Variants in MAGI3 observed in about 807,000 individuals in gnomAD.
MAGI3 encodes the protein membrane-associated guanylate kinase, WW and PDZ domain-containing protein 3.
A neutral mutation model predicts 121.8 loss-of-function variants in MAGI3; 43 were observed. The ratio of observed to expected loss-of-function variants is 0.35; its 90% CI spans 0.28 to 0.46. MAGI3 has a LOEUF of 0.46. Among genes scored for constraint, MAGI3 ranks in the 20% least tolerant of loss-of-function variants. The probability of loss-of-function intolerance (pLI) is 1.00; values close to 1 mark genes in which losing one functional copy is unlikely to be tolerated. For synonymous variants in MAGI3, 553 were observed against 639.3 expected, an observed-to-expected ratio of 0.86 and a Z score of 2.04; for missense variants, 1,547 against 1,797.3, an observed-to-expected ratio of 0.86 and a Z score of 2.52.
chr1:113,620,552 G>A (rs1200182117), intron 8 of MAGI3, among the ~76,000 whole-genome samples: 2 of 152,090 alleles, frequency 1.3e-5, no homozygotes, highest in Non-Finnish European at 2.9e-5. Flanking sequence ...CAAAAACATC[G>A]TCCTCCTCCT....
chr1:113,622,186 T>C (rs796976391), intron 8 of MAGI3, among the ~76,000 whole-genome samples: 3 of 152,206 alleles, frequency 2.0e-5, no homozygotes, highest in Non-Finnish European at 4.4e-5. Context: ...TCATAAATTA[T>C]AAACCTGCAC....
In MAGI3 at chr1:113,510,634, CAT is replaced by C. The variant is rs1250733100; in HGVS notation, c.317-38878_317-38877del. Among the ~76,000 whole-genome samples, 4 of 152,132 alleles carry C rather than the reference CAT, an allele frequency of 2.6e-5. No homozygotes were observed. The East Asian group carries it at 7.7e-4, about 29-fold the overall frequency. On this transcript the variant is annotated intron_variant, in intron 1 of 20. Coordinates refer to ENST00000307546, the MANE Select transcript of MAGI3 (RefSeq NM_001142782.2). ...ATCTTTCTAAAGGCAAAATCTTGGT[CAT>C]ATGACATTCCTGCTGAAATATCTCC...
chr1:113,552,434 A>G (rs745943938), intron 2 of MAGI3, among the ~76,000 whole-genome samples: 5 of 152,192 alleles, frequency 3.3e-5, no homozygotes, highest in Non-Finnish European at 5.9e-5. Flanking sequence ...GTTTGGTAGC[A>G]ATCTAATTTT....
At chr1:113,608,673 A>C (rs1649938491) in intron 6 of MAGI3, among the ~76,000 whole-genome samples, 2 of 152,160 alleles carry the variant, frequency 1.3e-5, no homozygotes, top group Admixed American at 6.5e-5. Context: ...TCATTGTGTA[A>C]AACTCCCCAG....
Position 113,416,212 on chromosome 1 carries a change from ATTATG to A in MAGI3, c.316+24865_316+24869del, listed in dbSNP as rs1304994662. Among the ~76,000 whole-genome samples, 22 of 75,634 alleles carry A rather than the reference ATTATG, an allele frequency of 2.9e-4. 3 individuals are homozygous for A. Among genetic ancestry groups the A allele is most frequent in the East Asian group, 6.7e-4 (1 of 1,494 alleles). The allele number at this position is 75,634 out of a possible 152,430, so 49.6% of individuals were successfully genotyped here. A position where few individuals can be genotyped will look rare whatever the true frequency, so the allele number is the denominator to read the frequency against. On this transcript the variant is annotated intron_variant, in intron 1 of 20. Transcript: ENST00000307546. Reference sequence around the variant, plus strand: ...AATTATGTAATTAATGACACATATTATTATGTGTAATTAATGACACATATTAATTA... The same window carrying A: ...AATTATGTAATTAATGACACATATTATGTAATTAATGACACATATTAATTA...
chr1:113,491,375 G>A (rs1435766625), intron 1 of MAGI3, among the ~76,000 whole-genome samples: 2 of 152,206 alleles, frequency 1.3e-5, no homozygotes, highest in East Asian at 3.8e-4. Flanking sequence ...TACAGCCAAG[G>A]CAGTGTTAAG....
intron 1 of MAGI3, among the ~76,000 whole-genome samples, chr1:113,491,573 C>T (rs1656668458): frequency 6.6e-6 from 1 of 152,036 alleles, no homozygotes; most frequent in Non-Finnish European, 1.5e-5. Context: ...TTCAAAAGAT[C>T]AGTGAATCCA....
rs1227973260 is a variant in MAGI3, at chr1:113,684,977, G to T, written c.*963G>T. On this transcript the variant is annotated 3_prime_UTR_variant, in exon 21 of 21. Transcript: ENST00000307546. ...AAAGTAAACATATTATATAGATTAT[G>T]TGAGGGACTTAATCATGAAACCAGT... 6.6e-6 allele frequency: 1 copy of T among 152,326 alleles called. No homozygotes were observed. Among genetic ancestry groups the T allele is most frequent in the African/African-American group, 2.4e-5 (1 of 41,432 alleles). 9.4% of individuals were successfully genotyped at this position (152,326 alleles called of 1,614,324 possible).
chr1:113,447,331 C>T (rs1225059715), intron 1 of MAGI3, among the ~76,000 whole-genome samples: 1 of 152,018 alleles, frequency 6.6e-6, no homozygotes, highest in Non-Finnish European at 1.5e-5. Flanking sequence ...GGCAAAAGGG[C>T]AAAGAGAGGT....
At position 113,403,072 on chromosome 1, in the gene MAGI3, A is replaced by C. The variant is rs550663125; in HGVS notation, c.316+11723A>C. On this transcript the variant is annotated intron_variant, in intron 1 of 20. Coordinates refer to ENST00000307546, the MANE Select transcript of MAGI3 (RefSeq NM_001142782.2). ...CAGTGCAGGAAACAGAAGGGGATAT[A>C]ATGCAGGGAATTAATTGCTTAGGGA... 3.2e-4 allele frequency among the ~76,000 whole-genome samples: 49 copies of C among 152,280 alleles called. 1 individual carries two copies. Among genetic ancestry groups the C allele is most frequent in the African/African-American group, 1.1e-3 (47 of 41,558 alleles).
chr1:113,668,321 G>T (rs551690936), intron 16 of MAGI3, among the ~76,000 whole-genome samples: 3 of 152,094 alleles, frequency 2.0e-5, no homozygotes, highest in African/African-American at 7.2e-5. Context: ...AATTCTCATC[G>T]AAGGAGAGAT....
In MAGI3 at chr1:113,445,930, A is replaced by G. The variant is rs144204505; in HGVS notation, c.316+54581A>G. On this transcript the variant is annotated intron_variant, in intron 1 of 20. Transcript: ENST00000307546. ...CTGCAGAGTGTAATGAAAGAAGACT[A>G]GACAGTAACTCACAGCTGTATGAAA... 3.6e-3 allele frequency among the ~76,000 whole-genome samples: 547 copies of G among 152,328 alleles called. 1 individual carries two copies. The highest frequency in any genetic ancestry group is 6.1e-3 in the Non-Finnish European group (413 of 68,038).
intron 2 of MAGI3, among the ~76,000 whole-genome samples, chr1:113,572,182 G>A (rs1196854920): frequency 2.0e-5 from 3 of 152,166 alleles, no homozygotes; most frequent in African/African-American, 7.2e-5. Flanking sequence ...TTCTGTTTAT[G>A]TGATGGATTA....
intron 15 of MAGI3, among the ~76,000 whole-genome samples, chr1:113,655,992 T>A (rs919425887): frequency 6.6e-6 from 1 of 152,116 alleles, no homozygotes; most frequent in African/African-American, 2.4e-5. Context: ...TACTTAATAA[T>A]GAGATAGGAA....
intron 2 of MAGI3, among the ~76,000 whole-genome samples, chr1:113,564,006 A>T (rs1660340102): frequency 6.6e-6 from 1 of 152,144 alleles, no homozygotes; most frequent in Non-Finnish European, 1.5e-5. Flanking sequence ...CTTTAGGGTG[A>T]TATTCTTTAG....
chr1:113,631,906 G>T (rs1257147390), intron 9 of MAGI3, among the ~76,000 whole-genome samples: 1 of 152,176 alleles, frequency 6.6e-6, no homozygotes, highest in Non-Finnish European at 1.5e-5. Context: ...TCAGGAACTT[G>T]GAGAAGGTTG....
At chr1:113,484,479 T>C (rs1372197650) in intron 1 of MAGI3, among the ~76,000 whole-genome samples, 1 of 152,104 alleles carries the variant, frequency 6.6e-6, no homozygotes, top group Non-Finnish European at 1.5e-5. Context: ...AGCTCCCACA[T>C]ATGAGTGAGA....
intron 6 of MAGI3, among the ~76,000 whole-genome samples, chr1:113,604,565 C>CAAAAAAAAAAA (rs59047770): frequency 1.3e-4 from 8 of 61,988 alleles, no homozygotes; most frequent in African/African-American, 4.7e-4. Context: ...GTCTCCATCT[C>CAAAAAAAAAAA]AAAAAAAAAA....
rs778273831 is a variant in MAGI3, at chr1:113,642,232, A to T, written c.1682A>T (p.Glu561Val). Residue 561 changes from glutamate (E) to valine (V), a missense_variant, in exon 10 of 21, where the codon GAG becomes GTG. Coordinates refer to ENST00000307546, the MANE Select transcript of MAGI3 (RefSeq NM_001142782.2). ...DGLNGPSDASEQRVSMASSGS... is the reference protein window; with the variant it reads ...DGLNGPSDASVQRVSMASSGS... ...CTCAATGGACCATCAGATGCAAGTG[A>T]GCAGAGAGTATCCATGGCATCGTCA... The T allele has an allele frequency of 6.2e-7, 1 of 1,614,022 alleles. No individual in the cohort carries two copies. Among genetic ancestry groups the T allele is most frequent in the African/African-American group, 1.3e-5 (1 of 74,912 alleles).
Sources: allele counts gnomAD v4.1 joint callset (sites outside exome capture counted in the v4.1 genomes callset), GRCh38; gene constraint gnomAD v4.1.1; transcripts MANE v1.5; gene names NCBI Gene and HGNC (gene_info 2026-07-23, HGNC 2026-07-21).